The following ZKSCAN7 variants were observed in gnomAD, a reference collection of about 807,000 sequenced individuals.
ZKSCAN7 encodes the protein zinc finger with KRAB and SCAN domains 7.
In ZKSCAN7, 38 loss-of-function variants were observed where a neutral mutation model predicts 65.3. The observed-to-expected ratio is 0.58, with a 90% CI of 0.45 to 0.76. The LOEUF (loss-of-function observed/expected upper bound fraction) is 0.76. ZKSCAN7 is among the 30% of genes least tolerant of loss of function. The probability of loss-of-function intolerance (pLI) is 0.00; values close to 1 mark genes in which losing one functional copy is unlikely to be tolerated. For synonymous variants in ZKSCAN7, 321 were observed against 321.0 expected, an observed-to-expected ratio of 1.00 and a Z score of 0.00; for missense variants, 815 against 913.3, an observed-to-expected ratio of 0.89 and a Z score of 1.39.
At chr3:44,564,556 A>C (rs562548347) in intron 2 of ZKSCAN7, among the ~76,000 whole-genome samples, 9 of 152,370 alleles carry the variant, frequency 5.9e-5, no homozygotes, top group African/African-American at 2.2e-4. Flanking sequence ...TCTAGAAATT[A>C]TAATTGGTTA....
chr3:44,581,997 T>C (rs969233947), intron 5 of ZKSCAN7, among the ~76,000 whole-genome samples: 4 of 152,218 alleles, frequency 2.6e-5, no homozygotes, highest in Non-Finnish European at 4.4e-5. Flanking sequence ...AATTTGTCAA[T>C]TGTGAATACG....
chr3:44,563,443 T>C (rs1699539430), intron 2 of ZKSCAN7, among the ~76,000 whole-genome samples: 1 of 152,156 alleles, frequency 6.6e-6, no homozygotes, highest in Non-Finnish European at 1.5e-5. Flanking sequence ...TTCAGTCGAC[T>C]CACAGTTCTG....
intron 1 of ZKSCAN7, among the ~76,000 whole-genome samples, chr3:44,555,742 A>G (rs2125705693): frequency 6.6e-6 from 1 of 152,274 alleles, no homozygotes; most frequent in Non-Finnish European, 1.5e-5. Flanking sequence ...GATTATTTTA[A>G]AGTCCTTCTT....
rs190001453 is a variant in ZKSCAN7, at chr3:44,567,014, G to A, written c.593-898G>A. 1.6e-4 allele frequency among the ~76,000 whole-genome samples: 25 copies of A among 152,134 alleles called. No individual in the cohort carries two copies. The East Asian group carries it at 4.3e-3, about 26-fold the overall frequency. ...ACTTGTAATCCCAGCTACTCCAGAG[G>A]CTGAGGCATGAGAATTGCTTGAGCC... On this transcript the variant is annotated intron_variant, in intron 3 of 5. Transcript: ENST00000426540.
chr3:44,571,543 A>T lies in ZKSCAN7; in HGVS notation c.*168A>T. ...GTAGGAGTAACTTATTCCAGTTCTT[A>T]CCCATTATTAGGAAGGTAAGGACTA... On this transcript the variant is annotated 3_prime_UTR_variant, in exon 6 of 6. Coordinates refer to ENST00000426540, the MANE Select transcript of ZKSCAN7 (RefSeq NM_001288590.2). 6.6e-7 allele frequency: 1 copy of T among 1,507,890 alleles called. No homozygotes were observed. The highest frequency in any genetic ancestry group is 2.3e-5 in the East Asian group (1 of 43,460). 93.4% of individuals were successfully genotyped at this position (1,507,890 alleles called of 1,614,324 possible).
rs1357978650 is a variant in ZKSCAN7 at position 44,565,633 on chromosome 3, C to A, written c.570C>A (p.His190Gln). Residue 190 changes from histidine to glutamine, a missense_variant, in exon 3 of 6, where the codon CAC (histidine) becomes CAA (glutamine). Physicochemically the swap from His to Gln is conservative, Grantham distance 24 (BLOSUM62 0). This residue lies in a region of ZKSCAN7 where 227 missense variants were observed against 253.3 expected (regional missense o/e 0.90). Transcript: ENST00000426540. ...HLEPPYDPGT[H>Q]HLPSGDFAQC... is the part of the protein sequence containing the mutation. ...AGCCTCCTTATGACCCAGGGACACA[C>A]CACCTCCCCAGTGGGGACTTCGGTA... The A allele has an allele frequency of 6.2e-7, 1 of 1,604,810 alleles. No homozygotes were observed. The highest frequency in any genetic ancestry group is 8.5e-7 in the Non-Finnish European group (1 of 1,176,154).
intron 5 of ZKSCAN7, among the ~76,000 whole-genome samples, chr3:44,579,243 TC>T (rs1327223569): frequency 1.3e-5 from 2 of 152,178 alleles, no homozygotes; most frequent in Admixed American, 1.3e-4. Flanking sequence ...GCGTCCAGCA[TC>T]CCGAAGTGCT....
chr3:44,581,130 C>G, intron 5 of ZKSCAN7: 3 of 979,862 alleles, frequency 3.1e-6, no homozygotes, highest in Non-Finnish European at 3.6e-6. Context: ...GGCCCTGCCA[C>G]AGGCCCTGAC....
intron 2 of ZKSCAN7, among the ~76,000 whole-genome samples, chr3:44,561,558 C>T (rs1699476268): frequency 6.6e-6 from 1 of 152,194 alleles, no homozygotes; most frequent in Admixed American, 6.5e-5. Context: ...TCCAAAGTCT[C>T]ATCTGAGACA....
chr3:44,578,903 T>A (rs1032984399), intron 5 of ZKSCAN7, among the ~76,000 whole-genome samples: 3 of 152,198 alleles, frequency 2.0e-5, no homozygotes, highest in African/African-American at 7.2e-5. Context: ...GGCGCTCTGC[T>A]CCCGGCCCAG....
At chr3:44,579,980 G>GT (rs1700028157) in intron 5 of ZKSCAN7, 13 of 1,587,632 alleles carry the variant, frequency 8.2e-6, no homozygotes, top group South Asian at 5.5e-5. Flanking sequence ...GAGCTTGGGG[G>GT]GGGGCTTCAT....
At position 44,571,042 on chromosome 3, in the gene ZKSCAN7, C is replaced by A; in HGVS notation, c.1932C>A (p.Phe644Leu). The change falls in exon 6 of 6, where the codon TTC (phenylalanine) becomes TTA (leucine). Residue 644 changes from phenylalanine (F) to leucine (L), a missense_variant. Physicochemically the swap from Phe to Leu is conservative, Grantham distance 22 (BLOSUM62 0). This residue lies in a region of ZKSCAN7 where 578 missense variants were observed against 629.5 expected (regional missense o/e 0.92). Transcript: ENST00000426540. ...PYKCNECGKS[F>L]NQNSHLIIHQ... ...AATGCAATGAGTGTGGAAAATCCTT[C>A]AATCAAAACTCACACCTTATTATAC... The A allele has an allele frequency of 6.2e-7, 1 of 1,614,188 alleles. No homozygotes were observed. Among genetic ancestry groups the A allele is most frequent in the Non-Finnish European group, 8.5e-7 (1 of 1,180,046 alleles).
rs200361121 is a variant in ZKSCAN7, at chr3:44,558,524, C to CA, written c.423+1069dup. On this transcript the variant is annotated intron_variant, in intron 2 of 5. Coordinates refer to ENST00000426540, the MANE Select transcript of ZKSCAN7 (RefSeq NM_001288590.2). Reference sequence around the variant, plus strand: ...TGGGTGACAGAGCGAGACTTCATCTCAAAAAAAAAAAAAAAGAAAAGAAAG... The same window carrying CA: ...TGGGTGACAGAGCGAGACTTCATCTCAAAAAAAAAAAAAAAAGAAAAGAAAG... Among the ~76,000 whole-genome samples the CA allele has an allele frequency of 3.7e-3, 400 of 107,238 alleles. 1 individual carries two copies. The highest frequency in any genetic ancestry group is 6.4e-3 in the African/African-American group (188 of 29,166). 70.4% of individuals were successfully genotyped at this position (107,238 alleles called of 152,430 possible).
At chr3:44,582,824 C>T (rs1700115346) in intron 5 of ZKSCAN7, 1 of 324,334 alleles carries the variant, frequency 3.1e-6, no homozygotes, top group Non-Finnish European at 6.2e-6. Flanking sequence ...AATGAATGGC[C>T]CCACCCACCC....
intron 1 of ZKSCAN7, among the ~76,000 whole-genome samples, chr3:44,555,747 C>T (rs1387586654): frequency 6.6e-6 from 1 of 152,184 alleles, no homozygotes; most frequent in Non-Finnish European, 1.5e-5. Flanking sequence ...TTTTAAAGTC[C>T]TTCTTTGTCT....
intron 2 of ZKSCAN7, among the ~76,000 whole-genome samples, chr3:44,562,902 G>A (rs560815021): frequency 7.2e-5 from 11 of 151,938 alleles, no homozygotes; most frequent in African/African-American, 1.2e-4. Context: ...CCTGGGAGGC[G>A]GAGCTTGCAG....
Position 44,571,044 on chromosome 3 carries a change from A to G in ZKSCAN7, c.1934A>G (p.Asn645Ser), listed in dbSNP as rs769552916. The G allele has an allele frequency of 6.8e-6, 11 of 1,614,058 alleles. No individual in the cohort carries two copies. The highest frequency in any genetic ancestry group is 2.7e-5 in the African/African-American group (2 of 74,902). ...TGCAATGAGTGTGGAAAATCCTTCA[A>G]TCAAAACTCACACCTTATTATACAC... Reference protein sequence around the residue: ...YKCNECGKSFNQNSHLIIHQR... With the variant: ...YKCNECGKSFSQNSHLIIHQR... The change falls in exon 6 of 6, where the codon AAT becomes AGT. Residue 645 changes from asparagine (N) to serine (S), a missense_variant. Asn to Ser is a conservative substitution (Grantham distance 46). Coordinates refer to ENST00000426540, the MANE Select transcript of ZKSCAN7 (RefSeq NM_001288590.2).
At position 44,571,515 on chromosome 3, in the gene ZKSCAN7, AGAGTAG is replaced by A. The variant is rs1248925508; in HGVS notation, c.*146_*151del. 3.8e-5 allele frequency: 59 copies of A among 1,572,364 alleles called. No homozygotes were observed. The highest frequency in any genetic ancestry group is 5.0e-5 in the Non-Finnish European group (58 of 1,163,674). On this transcript the variant is annotated 3_prime_UTR_variant, in exon 6 of 6. Coordinates refer to ENST00000426540, the MANE Select transcript of ZKSCAN7 (RefSeq NM_001288590.2). ...CTTTTCCTTGGATCACTAAGGTGGG[AGAGTAG>A]GAGTAACTTATTCCAGTTCTTACCC... is the stretch of plus-strand genomic sequence containing the variant.
chr3:44,571,433 A>G lies in ZKSCAN7; in HGVS notation c.*58A>G. The G allele has an allele frequency of 1.9e-6, 3 of 1,604,964 alleles. No homozygotes were observed. The East Asian group carries it at 6.7e-5, about 36-fold the overall frequency. On this transcript the variant is annotated 3_prime_UTR_variant, in exon 6 of 6. Transcript: ENST00000426540. ...TTTGAGTTAAGCTGTCTTTATAAGC[A>G]GGATGCTCATAGTGGTTTCCCGGAG... is the stretch of plus-strand genomic sequence containing the variant.
Sources: gnomAD v4.1 joint callset for allele counts (sites outside exome capture counted in the v4.1 genomes callset) on GRCh38, gnomAD v4.1.1 for gene constraint, gnomAD v4.1.1 regional missense constraint, MANE v1.5 for transcripts, NCBI Gene and HGNC (gene_info 2026-07-23, HGNC 2026-07-21) for gene names.